The following EVC variants were observed in gnomAD, a reference collection of about 807,000 sequenced individuals.
The protein encoded by EVC is evC complex member EVC.
EVC carries 116 observed loss-of-function variants against 118.9 expected under a neutral mutation model. That is an observed-to-expected ratio of 0.98 (90% CI 0.84 to 1.14). The LOEUF is 1.14. EVC is among the 50% of genes most tolerant of loss of function. The pLI, the probability that EVC is intolerant of heterozygous loss-of-function variation, is 0.00. For missense variants in EVC, 1,401 were observed against 1,246.4 expected (o/e 1.12, Z -1.87); for synonymous variants, 619 against 534.7 (o/e 1.16, Z -2.18).
At chr4:5,714,158 A>G (rs755940961) in intron 1 of EVC, among the ~76,000 whole-genome samples, 2 of 152,080 alleles carry the variant, frequency 1.3e-5, no homozygotes, top group Non-Finnish European at 2.9e-5. Context: ...CACCTTCTTA[A>G]CTAGGGAAGC....
chr4:5,804,902 T>C, intron 17 of EVC, 61 bp downstream of exon 17: 2 of 1,423,980 alleles, frequency 1.4e-6, no homozygotes, highest in Non-Finnish European at 2.0e-6. Flanking sequence ...ATGGCATATC[T>C]CTCTGTGGTG....
Position 5,809,606 on chromosome 4 carries a change from T to C in EVC, c.2777T>C (p.Leu926Pro). 1 of 1,614,124 alleles carries C rather than the reference T, an allele frequency of 6.2e-7. No homozygotes were observed. Among genetic ancestry groups the C allele is most frequent in the Non-Finnish European group, 8.5e-7 (1 of 1,179,992 alleles). Residue 926 changes from leucine to proline, a missense_variant, in exon 19 of 21, where the codon CTG becomes CCG. By Grantham distance (98) the Leu-to-Pro change is moderately conservative. Coordinates refer to ENST00000264956, the MANE Select transcript of EVC (RefSeq NM_153717.3). ...AAACTGTTGCCTGCTAAGCGTGGGCTGCTAGGTGAGTCACAGATGCTTGAG... is the reference window on the plus strand; with the variant it reads ...AAACTGTTGCCTGCTAAGCGTGGGCCGCTAGGTGAGTCACAGATGCTTGAG... ...ESKLLPAKRGLLEKPLRTKRK... is the reference protein window; with the variant it reads ...ESKLLPAKRGPLEKPLRTKRK...
chr4:5,749,306 TAA>T lies in EVC; in HGVS notation c.1098+1003_1098+1004del, dbSNP rs1168355660. Among the ~76,000 whole-genome samples, 2 of 95,350 alleles carry T rather than the reference TAA, an allele frequency of 2.1e-5. No individual in the cohort carries two copies. The highest frequency in any genetic ancestry group is 1.3e-4 in the Admixed American group (1 of 7,490). 62.6% of individuals were successfully genotyped at this position (95,350 alleles called of 152,430 possible). On this transcript the variant is annotated intron_variant, in intron 8 of 20. Transcript: ENST00000264956. The surrounding 1 kb of genome is among the most constrained non-coding windows in gnomAD (Gnocchi z 4.4). ...AAGAAGAATTGTCTTAGGCCACACA[TAA>T]AATACATTAACACTAACGATAGCTG... is the stretch of plus-strand genomic sequence containing the variant.
intron 11 of EVC, among the ~76,000 whole-genome samples, chr4:5,761,980 C>A (rs1732107555): frequency 2.0e-5 from 3 of 151,068 alleles, no homozygotes; most frequent in Non-Finnish European, 4.4e-5. Context: ...TATACCTGTG[C>A]CATGCTGGTG....
At chr4:5,824,795 G>A in the EVC span, 1 of 985,072 alleles carries the variant, frequency 1.0e-6, no homozygotes, top group Non-Finnish European at 1.2e-6. Flanking sequence ...GCCTCAAAGA[G>A]TTTGCAGGAC....
rs375783421 is a variant in EVC, at chr4:5,802,497, C to T, written c.2449+403C>T. On this transcript the variant is annotated intron_variant, in intron 16 of 20. Transcript: ENST00000264956. The stretch of plus-strand genomic sequence containing the variant: ...ATTCAAGTGCATTATATCTATTGTG[C>T]ATTTCATTTCTATTATTATTACATT... 3.7e-4 allele frequency among the ~76,000 whole-genome samples: 57 copies of T among 152,244 alleles called. 2 individuals carry two copies. The highest frequency in any genetic ancestry group is 1.2e-3 in the African/African-American group (51 of 41,536).
intron 12 of EVC, 79 bp from the exon 13 acceptor site, chr4:5,793,529 C>A: frequency 1.6e-6 from 2 of 1,243,540 alleles, no homozygotes; most frequent in Non-Finnish European, 1.2e-6. Context: ...AAACAAGAAA[C>A]AAAATGCACA....
At chr4:5,726,841 G>A (rs1044621629) in intron 2 of EVC, among the ~76,000 whole-genome samples, 67 of 150,216 alleles carry the variant, frequency 4.5e-4, no homozygotes, top group African/African-American at 1.5e-3. Context: ...TTGTTCTTGC[G>A]ATAGTTTACT....
chr4:5,748,664 C>T (rs1170949393), intron 8 of EVC, among the ~76,000 whole-genome samples: 1 of 107,568 alleles, frequency 9.3e-6, no homozygotes, highest in African/African-American at 3.8e-5. Flanking sequence ...ATCCATCCAT[C>T]CCTCCATCCA....
rs542227256 is a variant in EVC at position 5,776,256 on chromosome 4, T to C, written c.1564-7296T>C. ...CATTTTTCCAGTGAATTAAACCTTT[T>C]AGCATTAGGAAATGACCCCTTTGTG... is the stretch of plus-strand genomic sequence containing the variant. On this transcript the variant is annotated intron_variant, in intron 11 of 20. Transcript: ENST00000264956. Among the ~76,000 whole-genome samples the C allele has an allele frequency of 5.2e-4, 79 of 152,294 alleles. 1 individual carries two copies. The highest frequency in any genetic ancestry group is 1.9e-3 in the African/African-American group (79 of 41,540).
chr4:5,784,887 C>A (rs1162652061), intron 12 of EVC, among the ~76,000 whole-genome samples: 1 of 152,136 alleles, frequency 6.6e-6, no homozygotes. Flanking sequence ...GGATTACAGG[C>A]ATGAGCCACT....
At position 5,766,494 on chromosome 4, in the gene EVC, A is replaced by T. The variant is rs1732886133; in HGVS notation, c.1563+10132A>T. On this transcript the variant is annotated intron_variant, in intron 11 of 20. Coordinates refer to ENST00000264956, the MANE Select transcript of EVC (RefSeq NM_153717.3). Reference sequence around the variant, plus strand: ...AGTTCTCCTGGATAATATCCTGCAGAGTGTTTTCCAACTTGGTTCCATTCT... The same window carrying T: ...AGTTCTCCTGGATAATATCCTGCAGTGTGTTTTCCAACTTGGTTCCATTCT... Among the ~76,000 whole-genome samples the T allele has an allele frequency of 3.2e-5, 4 of 124,698 alleles. No homozygotes were observed. The South Asian group carries it at 1.2e-3, about 38-fold the overall frequency. The allele number at this position is 124,698 out of a possible 152,430, so 81.8% of individuals were successfully genotyped here. A position where few individuals can be genotyped will look rare whatever the true frequency, so the allele number is the denominator to read the frequency against.
At chr4:5,717,777 G>A (rs1220473535) in intron 1 of EVC, among the ~76,000 whole-genome samples, 3 of 152,120 alleles carry the variant, frequency 2.0e-5, no homozygotes, top group African/African-American at 7.2e-5. Flanking sequence ...CTCAAATGCC[G>A]CTTTGTCCAA....
rs180997242 is a variant in EVC at position 5,746,339 on chromosome 4, G to T, written c.939+998G>T. Among the ~76,000 whole-genome samples, 2 of 152,318 alleles carry T rather than the reference G, an allele frequency of 1.3e-5. No homozygotes were observed. The highest frequency in any genetic ancestry group is 1.3e-4 in the Admixed American group (2 of 15,306). ...ATTAAGGCAACTGCAGTAGGATGGA[G>T]AGGTGAGGAAACGTGTGAGAGAAGC... is the stretch of plus-strand genomic sequence containing the variant. On this transcript the variant is annotated intron_variant, in intron 7 of 20. Coordinates refer to ENST00000264956, the MANE Select transcript of EVC (RefSeq NM_153717.3). The surrounding 1 kb of genome is among the most constrained non-coding windows in gnomAD (Gnocchi z 5.8).
At chr4:5,799,874 A>T (rs1376656303) in intron 15 of EVC, among the ~76,000 whole-genome samples, 1 of 152,178 alleles carries the variant, frequency 6.6e-6, no homozygotes, top group Non-Finnish European at 1.5e-5. Context: ...GGCTGGTGAT[A>T]TTGGGAATGT....
intron 11 of EVC, among the ~76,000 whole-genome samples, chr4:5,776,758 C>G (rs575433503): frequency 1.3e-5 from 2 of 152,282 alleles, no homozygotes; most frequent in African/African-American, 2.4e-5. Context: ...TGCTAATTCT[C>G]TCTTCAGCTG....
intron 11 of EVC, among the ~76,000 whole-genome samples, chr4:5,776,797 T>A (rs1484204620): frequency 6.6e-6 from 1 of 152,218 alleles, no homozygotes; most frequent in Non-Finnish European, 1.5e-5. Context: ...ACCTGTACAC[T>A]GAGTTTAATA....
intron 12 of EVC, among the ~76,000 whole-genome samples, chr4:5,787,024 A>C (rs184675206): frequency 1.7e-3 from 257 of 152,380 alleles, no homozygotes; most frequent in African/African-American, 5.7e-3. Context: ...ATGGAAAATC[A>C]AAAACACATC....
chr4:5,712,557 G>A (rs1438889449), intron 1 of EVC, among the ~76,000 whole-genome samples: 1 of 152,198 alleles, frequency 6.6e-6, no homozygotes, highest in Non-Finnish European at 1.5e-5. Context: ...AGTAAAGTCT[G>A]CGCGATCAGA....
Sources: allele counts gnomAD v4.1 joint callset (sites outside exome capture counted in the v4.1 genomes callset), GRCh38; gene constraint gnomAD v4.1.1; non-coding constraint Gnocchi (gnomAD v3.1); transcripts MANE v1.5; gene names NCBI Gene and HGNC (gene_info 2026-07-23, HGNC 2026-07-21).